APBB1IP: variants seen among roughly 807,000 people sequenced by gnomAD.
The protein encoded by APBB1IP is amyloid beta precursor protein binding family B member 1 interacting protein, also known as amyloid beta A4 precursor protein-binding family B member 1-interacting protein.
In APBB1IP, 27 loss-of-function variants were observed where a neutral mutation model predicts 64.9. That is an observed-to-expected ratio of 0.42 (90% CI 0.31 to 0.57). The LOEUF is 0.57. APBB1IP is among the 20% of genes least tolerant of loss of function. APBB1IP has a pLI of 0.20. For synonymous variants in APBB1IP, 392 were observed against 331.0 expected (o/e 1.18, Z -2.00); for missense variants, 812 against 845.5 (o/e 0.96, Z 0.49).
At chr10:26,524,312 C>A (rs2132455560) in intron 8 of APBB1IP, among the ~76,000 whole-genome samples, 1 of 152,052 alleles carries the variant, frequency 6.6e-6, no homozygotes, top group East Asian at 1.9e-4. Context: ...AGAAACAAAT[C>A]AAAATAAACA....
chr10:26,519,311 A>G (rs761718364), intron 8 of APBB1IP, among the ~76,000 whole-genome samples: 11 of 152,100 alleles, frequency 7.2e-5, no homozygotes, highest in Admixed American at 3.9e-4. Flanking sequence ...AAAAGAAAAG[A>G]GGTTTAATGG....
chr10:26,457,598 T>A (rs1835541670), intron 2 of APBB1IP, among the ~76,000 whole-genome samples: 1 of 152,180 alleles, frequency 6.6e-6, no homozygotes, highest in Non-Finnish European at 1.5e-5. Flanking sequence ...GATCTCCCTA[T>A]ACCAAAACCT....
At chr10:26,454,235 A>T (rs1166346988) in intron 2 of APBB1IP, among the ~76,000 whole-genome samples, 1 of 152,072 alleles carries the variant, frequency 6.6e-6, no homozygotes, top group Non-Finnish European at 1.5e-5. Context: ...GAGGTCAGGA[A>T]TTCAAGACCA....
At chr10:26,520,845 A>G (rs1252129879) in intron 8 of APBB1IP, among the ~76,000 whole-genome samples, 1 of 152,234 alleles carries the variant, frequency 6.6e-6, no homozygotes, top group East Asian at 1.9e-4. Context: ...CCACATTGTG[A>G]AGTTATGCAT....
intron 2 of APBB1IP, among the ~76,000 whole-genome samples, chr10:26,453,515 A>T (rs886418213): frequency 6.6e-6 from 1 of 151,820 alleles, no homozygotes; most frequent in African/African-American, 2.4e-5. Context: ...TCCTCCATCC[A>T]CTCATTCATC....
chr10:26,478,606 C>T (rs1360912343), intron 2 of APBB1IP, among the ~76,000 whole-genome samples: 2 of 137,600 alleles, frequency 1.5e-5, no homozygotes, highest in Non-Finnish European at 3.2e-5. Context: ...CAGAGCGAGA[C>T]TCCGTCTCAA....
intron 8 of APBB1IP, among the ~76,000 whole-genome samples, chr10:26,528,780 T>A (rs1268471540): frequency 6.6e-6 from 1 of 152,060 alleles, no homozygotes; most frequent in Non-Finnish European, 1.5e-5. Context: ...CTACAAAAAA[T>A]TTAAAAATTA....
chr10:26,504,226 T>C (rs965279765), intron 6 of APBB1IP, among the ~76,000 whole-genome samples: 1 of 152,254 alleles, frequency 6.6e-6, no homozygotes, highest in Non-Finnish European at 1.5e-5. Context: ...ATGCTGTTTT[T>C]GCTGGTGCTC....
chr10:26,534,775 C>T (rs1208257535), intron 9 of APBB1IP, among the ~76,000 whole-genome samples: 1 of 152,142 alleles, frequency 6.6e-6, no homozygotes, highest in Non-Finnish European at 1.5e-5. Flanking sequence ...CAGGATAGTC[C>T]TTGTTCCAGG....
chr10:26,463,126 C>T (rs1328727487), intron 2 of APBB1IP, among the ~76,000 whole-genome samples: 4 of 152,240 alleles, frequency 2.6e-5, no homozygotes, highest in Non-Finnish European at 5.9e-5. Context: ...AAATGGAGCA[C>T]CCAAGAGTGC....
intron 10 of APBB1IP, among the ~76,000 whole-genome samples, chr10:26,539,830 C>T (rs956244033): frequency 6.6e-6 from 1 of 152,008 alleles, no homozygotes; most frequent in Admixed American, 6.6e-5. Context: ...AAAGAAGTAC[C>T]GGTAACCACC....
chr10:26,510,238 G>C (rs1257693751), intron 6 of APBB1IP, among the ~76,000 whole-genome samples: 2 of 152,192 alleles, frequency 1.3e-5, no homozygotes, highest in Non-Finnish European at 2.9e-5. Context: ...AAAGTGCTGG[G>C]ATAACAGGCG....
chr10:26,566,929 A>C, intron 14 of APBB1IP, 32 bp from the exon 15 acceptor site: 1 of 1,535,432 alleles, frequency 6.5e-7, no homozygotes. Context: ...AAAATTAAAA[A>C]AAAAATGAAT....
At chr10:26,513,235 C>G (rs894708529) in intron 7 of APBB1IP, among the ~76,000 whole-genome samples, 2 of 152,078 alleles carry the variant, frequency 1.3e-5, no homozygotes, top group Non-Finnish European at 1.5e-5. Context: ...TGCACTCCAG[C>G]CTGGACAACA....
In APBB1IP at chr10:26,567,221, G is replaced by C. The variant is rs1837061055; in HGVS notation, c.1734G>C (p.Pro578=). 7.4e-7 allele frequency: 1 copy of C among 1,346,378 alleles called. No individual in the cohort carries two copies. The highest frequency in any genetic ancestry group is 9.5e-7 in the Non-Finnish European group (1 of 1,051,922). 83.4% of individuals were successfully genotyped at this position (1,346,378 alleles called of 1,614,324 possible). ...CGCCGCCCCCGGACTTCATGGAGCCGCCCCCAGACTTCGTGCCCCCGCCCC... is the reference window on the plus strand; with the variant it reads ...CGCCGCCCCCGGACTTCATGGAGCCCCCCCCAGACTTCGTGCCCCCGCCCC... ...LPPPPPDFME[P]PPDFVPPPPP... is the part of the protein sequence containing the mutation. The change falls in exon 15 of 15, where the codon CCG becomes CCC. Residue 578 remains proline, a synonymous_variant. Transcript: ENST00000376236.
rs1232325558 is a variant in APBB1IP, at chr10:26,560,746, A to G, written c.1271A>G (p.Tyr424Cys). The G allele has an allele frequency of 3.1e-6, 5 of 1,597,392 alleles. No homozygotes were observed. The highest frequency in any genetic ancestry group is 1.8e-5 in the Admixed American group (1 of 56,518). Residue 424 changes from tyrosine to cysteine, a missense_variant, in exon 13 of 15, where the codon TAT (tyrosine) becomes TGT (cysteine). By Grantham distance (194) the Tyr-to-Cys change is radical. This residue lies in a region of APBB1IP where 381 missense variants were observed against 352.1 expected (regional missense o/e 1.08). Transcript: ENST00000376236. ...TCTCCCCAGTATGGGAAGACTCTCT[A>G]TGATAACTACCAGCGGGCTGTGGCA... ...IRIAKYGKTL[Y>C]DNYQRAVAKA...
At chr10:26,454,308 G>C (rs368556758) in intron 2 of APBB1IP, among the ~76,000 whole-genome samples, 271 of 152,214 alleles carry the variant, frequency 1.8e-3, no homozygotes, top group African/African-American at 5.7e-3. Flanking sequence ...GGGCGTGGTG[G>C]TGGATGCCTG....
chr10:26,449,284 G>T (rs960728426), intron 2 of APBB1IP, among the ~76,000 whole-genome samples: 1 of 152,048 alleles, frequency 6.6e-6, no homozygotes, highest in African/African-American at 2.4e-5. Flanking sequence ...TGTGGACTTG[G>T]GTGTGTGTTT....
At chr10:26,467,817 C>A (rs181743720) in intron 2 of APBB1IP, among the ~76,000 whole-genome samples, 31 of 152,306 alleles carry the variant, frequency 2.0e-4, no homozygotes, top group Non-Finnish European at 2.9e-5. Flanking sequence ...TAGAACCAAA[C>A]CCAAAGCTTA....
Sources: allele counts gnomAD v4.1 joint callset (sites outside exome capture counted in the v4.1 genomes callset), GRCh38; gene constraint gnomAD v4.1.1; regional missense constraint gnomAD v4.1.1; transcripts MANE v1.5; gene names NCBI Gene and HGNC (gene_info 2026-07-23, HGNC 2026-07-21).